Variants in ANK3 observed in about 807,000 individuals in gnomAD.
The protein encoded by ANK3 is ankyrin 3.
In ANK3, 57 loss-of-function variants were observed where a neutral mutation model predicts 370.9. That is an observed-to-expected ratio of 0.15 (90% confidence interval 0.12 to 0.19). The LOEUF is 0.19. Among genes scored for constraint, ANK3 ranks in the 10% least tolerant of loss-of-function variants. ANK3 has a pLI of 1.00. For synonymous variants in ANK3, 1,929 were observed against 1,946.3 expected (o/e 0.99, Z 0.23); for missense variants, 4,439 against 5,302.1 (o/e 0.84, Z 5.06).
At chr10:60,614,636 T>G (rs2078243782) in intron 2 of ANK3, among the ~76,000 whole-genome samples, 1 of 152,168 alleles carries the variant, frequency 6.6e-6, no homozygotes, top group African/African-American at 2.4e-5. Context: ...CATAGCCCAC[T>G]GAGCAGAATA....
At chr10:60,660,591 A>G (rs2078923169) in intron 1 of ANK3, among the ~76,000 whole-genome samples, 1 of 152,036 alleles carries the variant, frequency 6.6e-6, no homozygotes, top group Non-Finnish European at 1.5e-5. Context: ...GTCTAGTGGG[A>G]TAATATAGCA....
At chr10:60,043,305 C>CA (rs1491464183) in intron 42 of ANK3, 3 of 985,274 alleles carry the variant, frequency 3.0e-6, no homozygotes, top group South Asian at 9.4e-5. Context: ...CACAAATACT[C>CA]AGTTTTTACC....
intron 1 of ANK3, among the ~76,000 whole-genome samples, chr10:60,662,822 A>C (rs914750262): frequency 1.3e-5 from 2 of 152,204 alleles, no homozygotes; most frequent in African/African-American, 4.8e-5. Context: ...GAATGGATGA[A>C]TATATTAAGA....
At chr10:60,351,550 A>G (rs1469930341) in intron 1 of ANK3, among the ~76,000 whole-genome samples, 1 of 152,224 alleles carries the variant, frequency 6.6e-6, no homozygotes, top group African/African-American at 2.4e-5. Context: ...GAAAAATAAA[A>G]GACTACTCAT....
intron 2 of ANK3, among the ~76,000 whole-genome samples, chr10:60,490,725 T>C (rs1439123149): frequency 6.6e-6 from 1 of 152,228 alleles, no homozygotes; most frequent in Non-Finnish European, 1.5e-5. Flanking sequence ...TATTCTATCT[T>C]GGAAAAAAAT....
At chr10:60,282,402 G>A (rs12780624) in intron 1 of ANK3, among the ~76,000 whole-genome samples, 37,889 of 151,908 alleles carry the variant, frequency 0.25, 4,887 homozygotes, top group South Asian at 0.3. Context: ...AAACAAAATC[G>A]GTATAAAACA....
chr10:60,308,401 G>A (rs1168787036), intron 1 of ANK3, among the ~76,000 whole-genome samples: 1 of 144,078 alleles, frequency 6.9e-6, no homozygotes, highest in Non-Finnish European at 1.5e-5. Context: ...TCAGCCTCCC[G>A]AGTAGCTGGG....
At chr10:60,568,692 C>T (rs995891915) in intron 2 of ANK3, among the ~76,000 whole-genome samples, 5 of 152,162 alleles carry the variant, frequency 3.3e-5, no homozygotes, top group African/African-American at 1.2e-4. Flanking sequence ...GGATAGTATA[C>T]CCTTCTTTGG....
At chr10:60,265,071 T>G (rs2132653546) in intron 5 of ANK3, among the ~76,000 whole-genome samples, 1 of 152,048 alleles carries the variant, frequency 6.6e-6, no homozygotes, top group East Asian at 1.9e-4. Context: ...TCCAGCTAAG[T>G]AACATCTTCA....
intron 2 of ANK3, among the ~76,000 whole-genome samples, chr10:60,565,526 G>A (rs189523123): frequency 1.2e-3 from 182 of 152,280 alleles, no homozygotes; most frequent in African/African-American, 4.2e-3. Flanking sequence ...GGAAACCCCA[G>A]GTCGAAAATG....
chr10:60,650,150 G>T lies in ANK3; in HGVS notation c.58-34926C>A, dbSNP rs138302305. Among the ~76,000 whole-genome samples, 398 of 152,298 alleles carry T rather than the reference G, an allele frequency of 2.6e-3. 9 individuals are homozygous for T. The highest frequency in any genetic ancestry group is 2.2e-4 in the Non-Finnish European group (15 of 68,038). On this transcript the variant is annotated intron_variant, in intron 1 of 43. Transcript: ENST00000373827. ...GTGCAGCCTATCCTTCTGACTGCTA[G>T]ATAATTTGCTAAACTTATGCTCTAA...
intron 2 of ANK3, among the ~76,000 whole-genome samples, chr10:60,496,397 G>A (rs980661542): frequency 2.0e-4 from 31 of 152,112 alleles, no homozygotes; most frequent in Admixed American, 1.5e-3. Context: ...TGAGCAATTA[G>A]GTTGCTTCCA....
At chr10:60,105,075 G>C (rs1364178145) in intron 28 of ANK3, among the ~76,000 whole-genome samples, 1 of 152,170 alleles carries the variant, frequency 6.6e-6, no homozygotes, top group Non-Finnish European at 1.5e-5. Context: ...TATGGAATAT[G>C]AATTATATCT....
chr10:60,203,875 T>C (rs1478182200), intron 11 of ANK3, among the ~76,000 whole-genome samples: 2 of 152,206 alleles, frequency 1.3e-5, no homozygotes, highest in Non-Finnish European at 2.9e-5. Context: ...TCTCAAGTCA[T>C]TAATATTTTA....
chr10:60,093,151 C>T (rs940703768), intron 28 of ANK3, among the ~76,000 whole-genome samples: 26 of 152,156 alleles, frequency 1.7e-4, no homozygotes, highest in African/African-American at 5.6e-4. Flanking sequence ...AGGAGATAAA[C>T]GTTTTCCATA....
chr10:60,211,906 A>AGG (rs2132453939), intron 9 of ANK3, among the ~76,000 whole-genome samples: 1 of 151,378 alleles, frequency 6.6e-6, no homozygotes, highest in Non-Finnish European at 1.5e-5. Context: ...AAAAAAAAAA[A>AGG]AAAAAAAGGA....
intron 2 of ANK3, among the ~76,000 whole-genome samples, chr10:60,415,669 T>G (rs2063646969): frequency 6.6e-6 from 1 of 152,104 alleles, no homozygotes; most frequent in African/African-American, 2.4e-5. Context: ...CCTGTTAATT[T>G]CCTAAATGAA....
intron 5 of ANK3, among the ~76,000 whole-genome samples, chr10:60,268,768 T>C (rs918399036): frequency 2.6e-5 from 4 of 152,156 alleles, no homozygotes; most frequent in Non-Finnish European, 5.9e-5. Context: ...ACAATCAATT[T>C]CACCAGTATT....
intron 33 of ANK3, 99 bp downstream of exon 33, chr10:60,083,393 G>T (rs2085786269): frequency 7.9e-7 from 1 of 1,265,318 alleles, no homozygotes; most frequent in Non-Finnish European, 1.1e-6. Context: ...GATTTGACGG[G>T]GTATTTCAAA....
Sources: allele counts gnomAD v4.1 joint callset (sites outside exome capture counted in the v4.1 genomes callset), GRCh38; gene constraint gnomAD v4.1.1; transcripts MANE v1.5; gene names NCBI Gene and HGNC (gene_info 2026-07-23, HGNC 2026-07-21).